Variants in RIN3 observed in about 807,000 individuals in gnomAD.
RIN3 encodes the protein RAB5 interacting protein 3.
A neutral mutation model predicts 76.3 loss-of-function variants in RIN3; 54 were observed. The observed-to-expected ratio is 0.71, with a 90% CI of 0.57 to 0.89. The LOEUF (loss-of-function observed/expected upper bound fraction) is 0.89, where lower values mean the gene tolerates loss of function less well. Ranked by LOEUF, RIN3 falls within the 40% of genes least tolerant of loss-of-function variation. The pLI, the probability that RIN3 is intolerant of heterozygous loss-of-function variation, is 0.00. For missense variants in RIN3, 1,256 were observed against 1,322.1 expected (o/e 0.95, Z 0.78); for synonymous variants, 576 against 564.0 (o/e 1.02, Z -0.30).
intron 7 of RIN3, among the ~76,000 whole-genome samples, chr14:92,671,021 G>C (rs1888270183): frequency 6.6e-6 from 1 of 152,222 alleles, no homozygotes; most frequent in African/African-American, 2.4e-5. Flanking sequence ...TGGCAGGACA[G>C]AGTGGCACCC....
chr14:92,523,861 T>C (rs1896659478), intron 1 of RIN3, among the ~76,000 whole-genome samples: 1 of 152,094 alleles, frequency 6.6e-6, no homozygotes, highest in Admixed American at 6.5e-5. Context: ...GTTCTCCAGC[T>C]CCTCCTGAGA....
intron 3 of RIN3, among the ~76,000 whole-genome samples, chr14:92,580,366 A>G (rs955048905): frequency 6.6e-6 from 1 of 152,196 alleles, no homozygotes; most frequent in African/African-American, 2.4e-5. Flanking sequence ...CTCCGTCTCA[A>G]CAACAACAAA....
intron 2 of RIN3, chr14:92,576,275 G>A (rs543357252): frequency 1.4e-5 from 18 of 1,288,950 alleles, no homozygotes; most frequent in Admixed American, 1.4e-4. Context: ...GCAGAATCCC[G>A]CTCCCCATGC....
chr14:92,561,999 C>A (rs551655445), intron 2 of RIN3, among the ~76,000 whole-genome samples: 5 of 152,172 alleles, frequency 3.3e-5, no homozygotes, highest in East Asian at 1.9e-4. Flanking sequence ...TTTTACCTAG[C>A]GTCTTTTCTC....
chr14:92,528,363 C>G (rs1461822548), intron 1 of RIN3, among the ~76,000 whole-genome samples: 1 of 152,216 alleles, frequency 6.6e-6, no homozygotes, highest in Non-Finnish European at 1.5e-5. Context: ...GAGTAAACTG[C>G]TGGGGTTGAC....
In RIN3 at chr14:92,685,187, T is replaced by C. The variant is rs758690528; in HGVS notation, c.2631+37T>C. 6.4e-7 allele frequency: 1 copy of C among 1,551,074 alleles called. No individual in the cohort carries two copies. Among genetic ancestry groups the C allele is most frequent in the South Asian group, 1.1e-5 (1 of 87,172 alleles). On this transcript the variant is annotated intron_variant, in intron 9 of 9. Transcript: ENST00000216487. The surrounding 1 kb of genome is among the most constrained non-coding windows in gnomAD (Gnocchi z 4.7). Reference sequence around the variant, plus strand: ...GAGCGGGAGGGGCCCGGTGGGGCCATGTCCCAGACACCATCCCTGCTGCCT... The same window carrying C: ...GAGCGGGAGGGGCCCGGTGGGGCCACGTCCCAGACACCATCCCTGCTGCCT...
At chr14:92,570,321 TACACACAC>T (rs10588548) in intron 2 of RIN3, among the ~76,000 whole-genome samples, 10 of 150,776 alleles carry the variant, frequency 6.6e-5, no homozygotes, top group Admixed American at 4.0e-4. Context: ...TCGTGGCAGA[TACACACAC>T]ACACACACAC....
chr14:92,669,551 A>G (rs1566897375), intron 7 of RIN3, among the ~76,000 whole-genome samples: 1 of 152,172 alleles, frequency 6.6e-6, no homozygotes. Context: ...AGGGCAGGGC[A>G]CAGTCATGAG....
chr14:92,588,077 A>C (rs1884840709), intron 3 of RIN3, among the ~76,000 whole-genome samples: 1 of 152,054 alleles, frequency 6.6e-6, no homozygotes, highest in Admixed American at 6.5e-5. Context: ...CTTTTATCAG[A>C]GTCTTAATCC....
intron 4 of RIN3, among the ~76,000 whole-genome samples, chr14:92,634,209 G>C (rs1344501471): frequency 6.6e-6 from 1 of 151,498 alleles, no homozygotes; most frequent in African/African-American, 2.4e-5. Context: ...CACATAGCTG[G>C]GATTACAGGC....
chr14:92,625,539 A>G (rs1423781178), intron 4 of RIN3, among the ~76,000 whole-genome samples: 1 of 152,150 alleles, frequency 6.6e-6, no homozygotes, highest in African/African-American at 2.4e-5. Context: ...GTGGTCTACT[A>G]TTATGCCATG....
At chr14:92,572,348 T>TA (rs1898083903) in intron 2 of RIN3, among the ~76,000 whole-genome samples, 2 of 152,232 alleles carry the variant, frequency 1.3e-5, no homozygotes, top group Non-Finnish European at 2.9e-5. Flanking sequence ...CTATACAAGT[T>TA]ACACTCCGCC....
intron 1 of RIN3, chr14:92,515,379 C>T (rs546510314): frequency 1.2e-5 from 7 of 587,360 alleles, no homozygotes; most frequent in Admixed American, 9.4e-5. Context: ...CTGGCCTCAC[C>T]GGCTTCTCAT....
chr14:92,664,519 C>T (rs1888011095), intron 7 of RIN3, among the ~76,000 whole-genome samples: 1 of 150,028 alleles, frequency 6.7e-6, no homozygotes, highest in Non-Finnish European at 1.5e-5. Context: ...AGGTGGCTGC[C>T]ACCATGCCCA....
chr14:92,595,360 A>T (rs781622065), intron 3 of RIN3, among the ~76,000 whole-genome samples: 1 of 152,216 alleles, frequency 6.6e-6, no homozygotes, highest in Non-Finnish European at 1.5e-5. Context: ...GAGCCTTTGC[A>T]AGTGCTTTAT....
At chr14:92,588,548 G>A (rs1884864608) in intron 3 of RIN3, among the ~76,000 whole-genome samples, 1 of 151,906 alleles carries the variant, frequency 6.6e-6, no homozygotes, top group Admixed American at 6.6e-5. Flanking sequence ...TTTTATAAGG[G>A]CACTAATCCC....
rs1886182052 is a variant in RIN3, at chr14:92,621,512, T to C, written c.440+6033T>C. ...GAATACATGAATACATTGGTTTGTT[T>C]CAGAAAGGTGGGACAACTTGAAAAC... On this transcript the variant is annotated intron_variant, in intron 4 of 9. Transcript: ENST00000216487. Among the ~76,000 whole-genome samples the C allele has an allele frequency of 2.0e-5, 3 of 152,320 alleles. No homozygotes were observed. The South Asian group carries it at 6.2e-4, about 32-fold the overall frequency.
chr14:92,636,145 C>G (rs987972298), intron 4 of RIN3, among the ~76,000 whole-genome samples: 2 of 151,948 alleles, frequency 1.3e-5, no homozygotes, highest in African/African-American at 4.8e-5. Flanking sequence ...AGCTAATATA[C>G]GTAAAGTGCT....
chr14:92,654,892 C>T (rs1248302745), intron 6 of RIN3, among the ~76,000 whole-genome samples: 2 of 152,090 alleles, frequency 1.3e-5, no homozygotes, highest in Non-Finnish European at 2.9e-5. Context: ...TGAGTAGGGC[C>T]GGGTGCAGTG....
Sources: allele counts gnomAD v4.1 joint callset (sites outside exome capture counted in the v4.1 genomes callset), GRCh38; gene constraint gnomAD v4.1.1; non-coding constraint Gnocchi (gnomAD v3.1); transcripts MANE v1.5; gene names NCBI Gene and HGNC (gene_info 2026-07-23, HGNC 2026-07-21).